The following CPHXL2 variants were observed in gnomAD, a reference collection of about 807,000 sequenced individuals.
CPHXL2 encodes cytoplasmic polyadenylated homeobox-like protein 2.
the CPHXL2 span, among the ~76,000 whole-genome samples, chr16:75,672,995 A>C: frequency 6.7e-6 from 1 of 148,236 alleles, no homozygotes; most frequent in Non-Finnish European, 1.5e-5. Context: ...TGTTTGCTTG[A>C]GCCCAGGAAG....
At chr16:75,669,490 T>C in the CPHXL2 span, 1 of 400,294 alleles carries the variant, frequency 2.5e-6, no homozygotes, top group Admixed American at 4.4e-5. Context: ...TTTATGTCGG[T>C]GTTTTGTTTT....
chr16:75,668,404 T>G, the CPHXL2 span, among the ~76,000 whole-genome samples: 4 of 152,018 alleles, frequency 2.6e-5, 1 homozygote, highest in Non-Finnish European at 5.9e-5. Context: ...AATTTTTGTA[T>G]TTTTAGTAGA....
chr16:75,662,491 T>C, the CPHXL2 span, among the ~76,000 whole-genome samples: 1 of 152,192 alleles, frequency 6.6e-6, no homozygotes, highest in Admixed American at 6.5e-5. Context: ...CTTGGATCTT[T>C]ACAGCTCTCA....
the CPHXL2 span, among the ~76,000 whole-genome samples, chr16:75,674,266 G>C: frequency 6.7e-6 from 1 of 150,358 alleles, no homozygotes; most frequent in African/African-American, 2.4e-5. Flanking sequence ...CCAGCTACTC[G>C]GGAGGCTGAG....
At chr16:75,674,113 C>T in the CPHXL2 span, among the ~76,000 whole-genome samples, 69 of 146,950 alleles carry the variant, frequency 4.7e-4, no homozygotes, top group Non-Finnish European at 7.8e-4. Flanking sequence ...GTGGCTCACA[C>T]CTGTAATCCC....
the CPHXL2 span, among the ~76,000 whole-genome samples, chr16:75,674,511 T>C: frequency 1.3e-5 from 2 of 152,122 alleles, no homozygotes; most frequent in Non-Finnish European, 2.9e-5. Flanking sequence ...TATAATTATG[T>C]TCAAGTTGAT....
At chr16:75,669,586 A>G in the CPHXL2 span, 1 of 398,512 alleles carries the variant, frequency 2.5e-6, no homozygotes, top group African/African-American at 2.1e-5. Flanking sequence ...CGAGAAGAGC[A>G]TTGGAGAATA....
the CPHXL2 span, among the ~76,000 whole-genome samples, chr16:75,663,022 G>A: frequency 1.3e-5 from 2 of 152,002 alleles, no homozygotes; most frequent in African/African-American, 2.4e-5. Flanking sequence ...GGATAGTCTC[G>A]ATCTCCTGAC....
chr16:75,662,297 C>T, the CPHXL2 span, among the ~76,000 whole-genome samples: 1 of 151,912 alleles, frequency 6.6e-6, no homozygotes, highest in Non-Finnish European at 1.5e-5. Flanking sequence ...TGGAAGCTCC[C>T]CAAACCCACT....
chr16:75,661,657 C>T, the CPHXL2 span, among the ~76,000 whole-genome samples: 1 of 152,058 alleles, frequency 6.6e-6, no homozygotes, highest in Non-Finnish European at 1.5e-5. Flanking sequence ...TGCTACTTTA[C>T]TCATGCTCTT....
At chr16:75,663,461 C>T in the CPHXL2 span, among the ~76,000 whole-genome samples, 1 of 152,184 alleles carries the variant, frequency 6.6e-6, no homozygotes, top group Non-Finnish European at 1.5e-5. Flanking sequence ...CTCCTCTCAG[C>T]CAAGGGCTGT....
chr16:75,660,834 C>T, the CPHXL2 span: 518 of 398,654 alleles, frequency 1.3e-3, no homozygotes, highest in Non-Finnish European at 1.7e-3. Context: ...ATGCTCACTT[C>T]CTGTGTCACC....
At chr16:75,673,753 C>T in the CPHXL2 span, among the ~76,000 whole-genome samples, 480 of 150,764 alleles carry the variant, frequency 3.2e-3, 2 homozygotes, top group African/African-American at 0.011. Context: ...CAAGCGGGGG[C>T]GAATGGCTTG....
the CPHXL2 span, among the ~76,000 whole-genome samples, chr16:75,670,302 C>A: frequency 6.6e-6 from 1 of 152,096 alleles, no homozygotes; most frequent in Non-Finnish European, 1.5e-5. Flanking sequence ...CTGATCTATA[C>A]TGATTGGAAG....
chr16:75,676,248 T>C, the CPHXL2 span, among the ~76,000 whole-genome samples: 1 of 152,230 alleles, frequency 6.6e-6, no homozygotes, highest in Non-Finnish European at 1.5e-5. Context: ...CATATGGAAG[T>C]TCTCACAATA....
the CPHXL2 span, among the ~76,000 whole-genome samples, chr16:75,671,647 A>G: frequency 6.6e-6 from 1 of 152,198 alleles, no homozygotes; most frequent in African/African-American, 2.4e-5. Flanking sequence ...AGGCTGATTG[A>G]AAACAAAAAA....
At chr16:75,669,308 C>G in the CPHXL2 span, 1 of 344,016 alleles carries the variant, frequency 2.9e-6, no homozygotes, top group East Asian at 4.1e-5. Context: ...TGGAGTGAGA[C>G]CTTTCCTAAA....
At chr16:75,661,232 A>G in the CPHXL2 span, 13 of 400,668 alleles carry the variant, frequency 3.2e-5, no homozygotes, top group Non-Finnish European at 4.4e-5. Context: ...GTCTGGCTCT[A>G]TTGTTCTGGA....
the CPHXL2 span, among the ~76,000 whole-genome samples, chr16:75,663,127 C>T: frequency 2.0e-5 from 3 of 152,142 alleles, no homozygotes; most frequent in Non-Finnish European, 2.9e-5. Flanking sequence ...ATAGTTCAGG[C>T]TACAGGGTAA....
Sources: allele counts gnomAD v4.1 joint callset (sites outside exome capture counted in the v4.1 genomes callset), GRCh38; gene constraint gnomAD v4.1.1; transcripts MANE v1.5; gene names NCBI Gene and HGNC (gene_info 2026-07-23, HGNC 2026-07-21).